Variants in CTNNA2 observed in about 807,000 individuals in gnomAD.
CTNNA2 encodes catenin alpha 2.
CTNNA2 carries 42 observed loss-of-function variants against 101.0 expected under a neutral mutation model. The observed-to-expected ratio is 0.42, with a 90% confidence interval of 0.32 to 0.54. CTNNA2 has a LOEUF of 0.54. CTNNA2 is among the 20% of genes least tolerant of loss of function. The pLI is 0.14. For missense variants in CTNNA2, 871 were observed against 1,223.1 expected (o/e 0.71, Z 4.29); for synonymous variants, 450 against 456.4 (o/e 0.99, Z 0.18).
intron 3 of CTNNA2, among the ~76,000 whole-genome samples, chr2:79,826,784 C>A (rs1678475498): frequency 6.6e-6 from 1 of 152,126 alleles, no homozygotes; most frequent in Non-Finnish European, 1.5e-5. Flanking sequence ...CCTCCAAACA[C>A]AATCATCAAG....
At chr2:79,518,852 T>C (rs1671944082) in intron 1 of CTNNA2, among the ~76,000 whole-genome samples, 1 of 152,092 alleles carries the variant, frequency 6.6e-6, no homozygotes, top group Non-Finnish European at 1.5e-5. Context: ...CAGGCGTTGA[T>C]AATTGCCAGA....
intron 7 of CTNNA2, among the ~76,000 whole-genome samples, chr2:80,378,187 T>A (rs894570716): frequency 6.6e-6 from 1 of 151,884 alleles, no homozygotes; most frequent in African/African-American, 2.4e-5. Flanking sequence ...AAACCCCGTC[T>A]CTGCACTAAA....
At chr2:79,803,238 C>A (rs1429379180) in intron 3 of CTNNA2, among the ~76,000 whole-genome samples, 1 of 152,074 alleles carries the variant, frequency 6.6e-6, no homozygotes. Flanking sequence ...ATGCTGAGAC[C>A]AGCTCAGTCA....
chr2:79,438,397 C>G (rs1678740607), intron 4 of CTNNA2, among the ~76,000 whole-genome samples: 1 of 152,178 alleles, frequency 6.6e-6, no homozygotes, highest in Non-Finnish European at 1.5e-5. Context: ...AGATGGCCTC[C>G]TTTTTAGCAC....
intron 4 of CTNNA2, among the ~76,000 whole-genome samples, chr2:79,385,695 C>T (rs182246248): frequency 1.3e-5 from 2 of 152,028 alleles, no homozygotes; most frequent in African/African-American, 4.8e-5. Context: ...CCCACCACCC[C>T]CCAACAGGCC....
At chr2:79,830,606 G>C (rs1678856961) in intron 3 of CTNNA2, among the ~76,000 whole-genome samples, 1 of 152,314 alleles carries the variant, frequency 6.6e-6, no homozygotes, top group South Asian at 2.1e-4. Context: ...ACTTGACATT[G>C]TGATCCACCC....
chr2:80,480,724 A>G (rs1428204422), intron 9 of CTNNA2, among the ~76,000 whole-genome samples: 2 of 152,080 alleles, frequency 1.3e-5, no homozygotes, highest in African/African-American at 4.8e-5. Flanking sequence ...TCCCTTTGCA[A>G]GCTTTTACGC....
chr2:79,344,866 ATATT>A (rs918819201), intron 3 of CTNNA2, among the ~76,000 whole-genome samples: 4 of 144,830 alleles, frequency 2.8e-5, no homozygotes, highest in African/African-American at 1.0e-4. Context: ...ATAATATATT[ATATT>A]TATATATATA....
At chr2:80,631,990 C>G (rs1268583776) in intron 18 of CTNNA2, among the ~76,000 whole-genome samples, 1 of 151,906 alleles carries the variant, frequency 6.6e-6, no homozygotes, top group Non-Finnish European at 1.5e-5. Flanking sequence ...GTATATTAAC[C>G]AATAGAGAAG....
At chr2:79,750,547 G>T (rs1671954945) in intron 3 of CTNNA2, among the ~76,000 whole-genome samples, 1 of 152,248 alleles carries the variant, frequency 6.6e-6, no homozygotes, top group African/African-American at 2.4e-5. Context: ...CAAGGTTTAT[G>T]AGCTTATTGT....
intron 7 of CTNNA2, among the ~76,000 whole-genome samples, chr2:79,938,447 A>T (rs138176050): frequency 1.3e-5 from 2 of 152,276 alleles, no homozygotes; most frequent in African/African-American, 4.8e-5. Context: ...AGATTTTAAG[A>T]CACTTTCCTG....
At chr2:80,285,489 C>A (rs1367476349) in intron 7 of CTNNA2, among the ~76,000 whole-genome samples, 1 of 152,136 alleles carries the variant, frequency 6.6e-6, no homozygotes, top group Non-Finnish European at 1.5e-5. Flanking sequence ...ACATTCTTAC[C>A]TCAGAGTGAT....
chr2:80,168,738 G>A (rs545155863), intron 7 of CTNNA2, among the ~76,000 whole-genome samples: 3 of 152,218 alleles, frequency 2.0e-5, no homozygotes, highest in Non-Finnish European at 4.4e-5. Context: ...AATTAAATCA[G>A]ATTGTCTATG....
chr2:80,021,264 C>T, intron 7 of CTNNA2, among the ~76,000 whole-genome samples: 1 of 152,070 alleles, frequency 6.6e-6, no homozygotes, highest in East Asian at 1.9e-4. Flanking sequence ...AAGCAATCCT[C>T]CCGCCTCAGC....
In CTNNA2 at chr2:80,582,249, G is replaced by A. The variant is rs137995563; in HGVS notation, c.2007+430G>A. Among the ~76,000 whole-genome samples the A allele has an allele frequency of 2.4e-3, 368 of 152,230 alleles. 7 individuals are homozygous for A. The highest frequency in any genetic ancestry group is 3.3e-3 in the East Asian group (17 of 5,174). On this transcript the variant is annotated intron_variant, in intron 14 of 18. Coordinates refer to ENST00000402739, the MANE Select transcript of CTNNA2 (RefSeq NM_001282597.3). ...GAATCAGGGCACTACTTTGTTTATA[G>A]CTGGGCTGTTGCTCCATACAATGGC...
chr2:79,922,833 C>T (rs957357022), intron 7 of CTNNA2, among the ~76,000 whole-genome samples: 5 of 152,194 alleles, frequency 3.3e-5, no homozygotes, highest in East Asian at 1.9e-4. Context: ...CAGGTCTTCT[C>T]GTCTCTTTAT....
At chr2:79,740,957 G>A (rs558690583) in intron 2 of CTNNA2, among the ~76,000 whole-genome samples, 2 of 152,180 alleles carry the variant, frequency 1.3e-5, no homozygotes, top group East Asian at 3.9e-4. Flanking sequence ...CATAGCTCAA[G>A]AAGAATAAAA....
intron 7 of CTNNA2, among the ~76,000 whole-genome samples, chr2:80,175,535 A>C (rs556685166): frequency 6.6e-6 from 1 of 152,186 alleles, no homozygotes; most frequent in Non-Finnish European, 1.5e-5. Flanking sequence ...GAGCACCTAC[A>C]TGTGTTTGCT....
intron 12 of CTNNA2, among the ~76,000 whole-genome samples, chr2:80,568,606 A>T (rs1364759829): frequency 6.6e-6 from 1 of 150,638 alleles, no homozygotes; most frequent in Non-Finnish European, 1.5e-5. Context: ...TGAGATTAGG[A>T]TGCTATAAAA....
Sources: allele counts gnomAD v4.1 joint callset (sites outside exome capture counted in the v4.1 genomes callset), GRCh38; gene constraint gnomAD v4.1.1; transcripts MANE v1.5; gene names NCBI Gene and HGNC (gene_info 2026-07-23, HGNC 2026-07-21).